TBC1D12: variants seen among roughly 807,000 people sequenced by gnomAD.
TBC1D12 encodes the protein TBC1 domain family member 12.
In TBC1D12, 56 loss-of-function variants were observed where a neutral mutation model predicts 86.7. The ratio of observed to expected loss-of-function variants is 0.65; its 90% CI spans 0.52 to 0.81. The LOEUF is 0.81. Ranked by LOEUF, TBC1D12 falls within the 30% of genes least tolerant of loss-of-function variation. The pLI is 0.00. For synonymous variants in TBC1D12, 421 were observed against 411.7 expected (o/e 1.02, Z -0.27); for missense variants, 1,023 against 1,038.8 (o/e 0.98, Z 0.21).
At chr10:94,493,886 C>T (rs1398053027) in intron 4 of TBC1D12, among the ~76,000 whole-genome samples, 2 of 152,046 alleles carry the variant, frequency 1.3e-5, no homozygotes, top group African/African-American at 4.8e-5. Flanking sequence ...CTTGAAATTA[C>T]AGTCATAAAA....
chr10:94,527,370 T>A (rs1199507407), intron 11 of TBC1D12, among the ~76,000 whole-genome samples: 1 of 151,854 alleles, frequency 6.6e-6, no homozygotes, highest in Non-Finnish European at 1.5e-5. Context: ...ATTACAGGCA[T>A]GAGCCATGGT....
intron 2 of TBC1D12, among the ~76,000 whole-genome samples, chr10:94,455,221 ATACC>A (rs2055610373): frequency 6.6e-6 from 1 of 152,004 alleles, no homozygotes; most frequent in Admixed American, 6.6e-5. Flanking sequence ...CCAGTTGTGC[ATACC>A]TAGGATAAAT....
chr10:94,464,533 T>C (rs1350488851), intron 2 of TBC1D12, among the ~76,000 whole-genome samples: 3 of 152,344 alleles, frequency 2.0e-5, no homozygotes, highest in African/African-American at 7.2e-5. Context: ...TGGTGCAGTC[T>C]TGGCTCACTG....
chr10:94,479,966 C>T (rs572750901), intron 3 of TBC1D12, among the ~76,000 whole-genome samples: 1 of 152,240 alleles, frequency 6.6e-6, no homozygotes, highest in East Asian at 1.9e-4. Flanking sequence ...TTCATGGTGA[C>T]CTTATGCTAA....
chr10:94,454,242 A>T (rs918321468), intron 2 of TBC1D12, among the ~76,000 whole-genome samples: 1 of 152,126 alleles, frequency 6.6e-6, no homozygotes, highest in African/African-American at 2.4e-5. Flanking sequence ...TTCTTTTGAG[A>T]CAGAGTTTTG....
intron 3 of TBC1D12, among the ~76,000 whole-genome samples, chr10:94,483,089 G>C (rs2056102405): frequency 6.8e-6 from 1 of 146,986 alleles, no homozygotes; most frequent in Non-Finnish European, 1.5e-5. Context: ...TTCCAGGCTG[G>C]AGTACAGTGG....
chr10:94,524,276 C>G (rs993072194), intron 11 of TBC1D12, among the ~76,000 whole-genome samples: 5 of 152,166 alleles, frequency 3.3e-5, no homozygotes, highest in Admixed American at 2.6e-4. Flanking sequence ...CGCATCTCCT[C>G]CTCTCACATT....
rs1400875602 is a variant in TBC1D12 at position 94,493,423 on chromosome 10, A to ATGG, written c.1274_1276dup (p.Val425dup). On this transcript the variant is annotated inframe_insertion, in exon 4 of 13. Transcript: ENST00000225235. The stretch of plus-strand genomic sequence containing the variant: ...ACGTCACCGACAAGAATACGATGAG[A>ATGG]TGGTGGCTGAGGCTAAAAAACGAGG... 6.2e-7 allele frequency: 1 copy of ATGG among 1,612,748 alleles called. No homozygotes were observed. The highest frequency in any genetic ancestry group is 2.2e-5 in the East Asian group (1 of 44,854).
intron 2 of TBC1D12, among the ~76,000 whole-genome samples, chr10:94,444,239 T>TA (rs997562526): frequency 3.3e-5 from 5 of 151,708 alleles, no homozygotes; most frequent in African/African-American, 1.2e-4. Flanking sequence ...TTTTTTTTTT[T>TA]AGCAGTTACT....
In TBC1D12 at chr10:94,402,787, T is replaced by TGAC; in HGVS notation, c.177_179dup (p.Asp59dup). 6.5e-7 allele frequency: 1 copy of TGAC among 1,538,430 alleles called. No individual in the cohort carries two copies. The highest frequency in any genetic ancestry group is 8.8e-7 in the Non-Finnish European group (1 of 1,140,628). ...AGGAGGCTGACGAGGAGGAGGAGGC[T>TGAC]GACGAGGAGGAGGAGACGCCGCCTC... On this transcript the variant is annotated inframe_insertion, in exon 1 of 13. Transcript: ENST00000225235.
chr10:94,456,427 CAT>C (rs1398109571), intron 2 of TBC1D12, among the ~76,000 whole-genome samples: 5 of 152,112 alleles, frequency 3.3e-5, no homozygotes, highest in African/African-American at 4.8e-5. Flanking sequence ...TTCTTTGACA[CAT>C]GTGTTATTTA....
At chr10:94,465,945 C>T (rs1413549332) in intron 2 of TBC1D12, among the ~76,000 whole-genome samples, 2 of 149,900 alleles carry the variant, frequency 1.3e-5, no homozygotes, top group South Asian at 2.1e-4. Flanking sequence ...TGTATATACG[C>T]GTATGTATGT....
chr10:94,446,785 A>C (rs2134097840), intron 2 of TBC1D12, among the ~76,000 whole-genome samples: 1 of 152,244 alleles, frequency 6.6e-6, no homozygotes, highest in Non-Finnish European at 1.5e-5. Flanking sequence ...GAAAAGATTT[A>C]ATTTACAAAG....
chr10:94,439,204 A>C (rs1361392559), intron 1 of TBC1D12, among the ~76,000 whole-genome samples: 2 of 152,114 alleles, frequency 1.3e-5, no homozygotes, highest in Admixed American at 6.5e-5. Flanking sequence ...TTGAAGTTCA[A>C]ATGTTTTAAA....
Position 94,531,459 on chromosome 10 carries a change from A to G in TBC1D12, c.2258A>G (p.Gln753Arg), listed in dbSNP as rs1405722828. ...CAGAATAGCACCAAAAAATGGACTCAGGTAGAGTGACATTTTCTTATCTTT... is the reference window on the plus strand; with the variant it reads ...CAGAATAGCACCAAAAAATGGACTCGGGTAGAGTGACATTTTCTTATCTTT... Reference protein sequence around the residue: ...QMQNSTKKWTQVFASVMKDIK... With the variant: ...QMQNSTKKWTRVFASVMKDIK... The change falls in exon 12 of 13, where the codon CAG becomes CGG. Residue 753 changes from glutamine (Q) to arginine (R), a missense_variant and splice_region_variant. This residue lies in a region of TBC1D12 where 395 missense variants were observed against 507.7 expected (regional missense o/e 0.78). Transcript: ENST00000225235. The G allele has an allele frequency of 4.4e-6, 7 of 1,605,224 alleles. No homozygotes were observed. The highest frequency in any genetic ancestry group is 6.0e-6 in the Non-Finnish European group (7 of 1,174,658).
chr10:94,471,448 C>G (rs979733768), intron 2 of TBC1D12, among the ~76,000 whole-genome samples: 2 of 152,128 alleles, frequency 1.3e-5, no homozygotes, highest in African/African-American at 4.8e-5. Flanking sequence ...CCATTTTGTT[C>G]ATGATTAAGT....
intron 1 of TBC1D12, among the ~76,000 whole-genome samples, chr10:94,426,955 A>T (rs11187940): frequency 6.6e-6 from 1 of 152,064 alleles, no homozygotes; most frequent in Non-Finnish European, 1.5e-5. Flanking sequence ...TTTAAAGTGT[A>T]CAATTTGATA....
chr10:94,470,110 C>T (rs545175303), intron 2 of TBC1D12, among the ~76,000 whole-genome samples: 4 of 152,076 alleles, frequency 2.6e-5, no homozygotes, highest in Non-Finnish European at 4.4e-5. Context: ...CTCATTACGT[C>T]TTCAAATCAC....
intron 2 of TBC1D12, among the ~76,000 whole-genome samples, chr10:94,473,099 A>G (rs1218130997): frequency 6.6e-6 from 1 of 152,152 alleles, no homozygotes; most frequent in Non-Finnish European, 1.5e-5. Flanking sequence ...TCACGCCTGT[A>G]ATCCTAGCAC....
Sources: gnomAD v4.1 joint callset for allele counts (sites outside exome capture counted in the v4.1 genomes callset) on GRCh38, gnomAD v4.1.1 for gene constraint, gnomAD v4.1.1 regional missense constraint, MANE v1.5 for transcripts, NCBI Gene and HGNC (gene_info 2026-07-23, HGNC 2026-07-21) for gene names.